The following IMMP2L variants were observed in gnomAD, a reference collection of about 807,000 sequenced individuals.
The protein encoded by IMMP2L is mitochondrial inner membrane protease subunit 2.
IMMP2L carries 18 observed loss-of-function variants against 19.3 expected under a neutral mutation model. That is an observed-to-expected ratio of 0.93 (90% CI 0.64 to 1.38). The LOEUF (loss-of-function observed/expected upper bound fraction) is 1.38. IMMP2L is among the 40% of genes most tolerant of loss of function. IMMP2L has a pLI of 0.00. For synonymous variants in IMMP2L, 76 were observed against 73.0 expected (o/e 1.04, Z -0.21); for missense variants, 233 against 218.2 (o/e 1.07, Z -0.43).
At chr7:111,541,181 A>G (rs746777011) in intron 1 of IMMP2L, among the ~76,000 whole-genome samples, 2 of 152,172 alleles carry the variant, frequency 1.3e-5, no homozygotes, top group Non-Finnish European at 2.9e-5. Context: ...CCTCCCTCAC[A>G]GTACTAAAAT....
chr7:111,515,512 T>A (rs889389378), intron 2 of IMMP2L, among the ~76,000 whole-genome samples: 2 of 152,154 alleles, frequency 1.3e-5, no homozygotes, highest in Non-Finnish European at 2.9e-5. Context: ...CAAATATCCA[T>A]GTGACAGCTA....
At chr7:111,140,435 T>G (rs1021710456) in intron 3 of IMMP2L, among the ~76,000 whole-genome samples, 1 of 152,218 alleles carries the variant, frequency 6.6e-6, no homozygotes, top group African/African-American at 2.4e-5. Flanking sequence ...ATTTTCTGCA[T>G]GCCCATTCAA....
chr7:111,495,615 C>T (rs923391798), intron 2 of IMMP2L, among the ~76,000 whole-genome samples: 4 of 152,106 alleles, frequency 2.6e-5, no homozygotes, highest in Non-Finnish European at 1.5e-5. Flanking sequence ...TTTCGGTTTA[C>T]GAAAATAAAA....
At chr7:111,028,972 T>C (rs537223606) in intron 3 of IMMP2L, among the ~76,000 whole-genome samples, 3 of 152,276 alleles carry the variant, frequency 2.0e-5, no homozygotes, top group Admixed American at 6.5e-5. Context: ...TTAGAATATA[T>C]AGTGCATCAA....
chr7:111,137,816 C>T (rs1030447773), intron 3 of IMMP2L, among the ~76,000 whole-genome samples: 4 of 152,076 alleles, frequency 2.6e-5, no homozygotes, highest in African/African-American at 9.7e-5. Flanking sequence ...GTATATGCTA[C>T]AACTTTTGGT....
chr7:110,741,096 C>G (rs947200683), intron 5 of IMMP2L, among the ~76,000 whole-genome samples: 1 of 152,108 alleles, frequency 6.6e-6, no homozygotes, highest in African/African-American at 2.4e-5. Context: ...AGATGACCAT[C>G]AATCAACGAG....
intron 5 of IMMP2L, among the ~76,000 whole-genome samples, chr7:110,849,278 T>C (rs980890675): frequency 3.3e-5 from 5 of 152,134 alleles, no homozygotes; most frequent in Admixed American, 1.3e-4. Context: ...AGTGTACATA[T>C]CTATCTGATT....
intron 5 of IMMP2L, among the ~76,000 whole-genome samples, chr7:110,817,504 G>A (rs1802634402): frequency 6.6e-6 from 1 of 152,074 alleles, no homozygotes; most frequent in Admixed American, 6.6e-5. Flanking sequence ...TCACGGGTAG[G>A]AAGAATCAAT....
intron 3 of IMMP2L, among the ~76,000 whole-genome samples, chr7:110,974,378 T>G (rs1820475356): frequency 6.6e-6 from 1 of 152,128 alleles, no homozygotes; most frequent in Admixed American, 6.6e-5. Context: ...GCACCATGCT[T>G]TGGAATGACC....
intron 2 of IMMP2L, among the ~76,000 whole-genome samples, chr7:111,495,260 G>T (rs988790666): frequency 6.6e-6 from 1 of 151,852 alleles, no homozygotes; most frequent in Non-Finnish European, 1.5e-5. Context: ...GTTTTCCTCT[G>T]GCTCAGTTGT....
At chr7:110,856,533 A>G (rs1806791779) in intron 5 of IMMP2L, among the ~76,000 whole-genome samples, 1 of 152,088 alleles carries the variant, frequency 6.6e-6, no homozygotes, top group African/African-American at 2.4e-5. Flanking sequence ...CAAATTCATG[A>G]AAAAGGAAAA....
Position 110,668,828 on chromosome 7 carries a change from C to A in IMMP2L, c.409-5107G>T, listed in dbSNP as rs972399979. Among the ~76,000 whole-genome samples, 3 of 151,336 alleles carry A rather than the reference C, an allele frequency of 2.0e-5. No homozygotes were observed. In the East Asian group the frequency reaches 5.8e-4, roughly 29 times the overall value. ...GAGAGAGAGAGAGTGTCTGTTCATC[C>A]TCCATAGTGTCTTGTCATGGATCTT... is the stretch of plus-strand genomic sequence containing the variant. On this transcript the variant is annotated intron_variant, in intron 5 of 5. Transcript: ENST00000405709.
intron 3 of IMMP2L, among the ~76,000 whole-genome samples, chr7:111,419,049 A>G (rs1835223133): frequency 6.6e-6 from 1 of 151,872 alleles, no homozygotes; most frequent in East Asian, 1.9e-4. Flanking sequence ...AGCCACTGCC[A>G]TAGGTGGAAA....
At chr7:111,364,005 C>G (rs190397277) in intron 3 of IMMP2L, among the ~76,000 whole-genome samples, 1 of 152,128 alleles carries the variant, frequency 6.6e-6, no homozygotes, top group South Asian at 2.1e-4. Flanking sequence ...AAGATCCCCC[C>G]CCACACACAC....
chr7:111,452,218 G>C (rs575234145), intron 3 of IMMP2L, among the ~76,000 whole-genome samples: 1 of 152,108 alleles, frequency 6.6e-6, no homozygotes, highest in Non-Finnish European at 1.5e-5. Context: ...ATATGCATCA[G>C]GTTTAGTAAA....
At chr7:111,205,337 C>G (rs1810582636) in intron 3 of IMMP2L, among the ~76,000 whole-genome samples, 1 of 152,180 alleles carries the variant, frequency 6.6e-6, no homozygotes. Flanking sequence ...TTCAGCCCAT[C>G]ACATACATCA....
intron 3 of IMMP2L, among the ~76,000 whole-genome samples, chr7:111,375,281 A>G (rs1830585869): frequency 6.6e-6 from 1 of 152,076 alleles, no homozygotes; most frequent in South Asian, 2.1e-4. Flanking sequence ...TAATAATAAT[A>G]GTAGTCTTAT....
chr7:111,458,599 T>C (rs1449597759), intron 3 of IMMP2L, among the ~76,000 whole-genome samples: 1 of 152,010 alleles, frequency 6.6e-6, no homozygotes, highest in Non-Finnish European at 1.5e-5. Context: ...AACAGAAAAT[T>C]TTCCTGATTC....
At chr7:111,417,746 C>T (rs1441702063) in intron 3 of IMMP2L, among the ~76,000 whole-genome samples, 2 of 151,942 alleles carry the variant, frequency 1.3e-5, no homozygotes, top group Non-Finnish European at 2.9e-5. Flanking sequence ...CATTTGTAAT[C>T]AATGCCTAGT....
Sources: allele counts gnomAD v4.1 joint callset (sites outside exome capture counted in the v4.1 genomes callset), GRCh38; gene constraint gnomAD v4.1.1; transcripts MANE v1.5; gene names NCBI Gene and HGNC (gene_info 2026-07-23, HGNC 2026-07-21).